The following EYS variants were observed in gnomAD, a reference collection of about 807,000 sequenced individuals.
EYS encodes the protein protein eyes shut homolog.
EYS carries 250 observed loss-of-function variants against 282.1 expected under a neutral mutation model. That is an observed-to-expected ratio of 0.89 (90% confidence interval 0.80 to 0.98). EYS has a LOEUF of 0.98. Among genes scored for constraint, EYS ranks in the 50% least tolerant of loss-of-function variants. The probability of loss-of-function intolerance (pLI) is 0.00; values close to 1 mark genes in which losing one functional copy is unlikely to be tolerated. For missense variants in EYS, 4,016 were observed against 3,709.0 expected, an observed-to-expected ratio of 1.08 and a Z score of -2.15; for synonymous variants, 1,355 against 1,282.9, an observed-to-expected ratio of 1.06 and a Z score of -1.20.
chr6:65,100,223 G>C (rs374669536), intron 12 of EYS, among the ~76,000 whole-genome samples: 34 of 150,818 alleles, frequency 2.3e-4, no homozygotes, highest in African/African-American at 7.7e-4. Context: ...CATTAAAAAT[G>C]TTAGGATTTC....
At chr6:65,059,962 C>T (rs1773521455) in intron 12 of EYS, among the ~76,000 whole-genome samples, 1 of 152,048 alleles carries the variant, frequency 6.6e-6, no homozygotes, top group African/African-American at 2.4e-5. Context: ...ATCAATCACC[C>T]TGTCCCTCTC....
chr6:64,278,284 T>C (rs1023879487), intron 30 of EYS, among the ~76,000 whole-genome samples: 2 of 152,196 alleles, frequency 1.3e-5, no homozygotes, highest in Non-Finnish European at 2.9e-5. Flanking sequence ...TTGCAGCATC[T>C]TTATTATCTT....
intron 22 of EYS, among the ~76,000 whole-genome samples, chr6:64,736,154 T>G (rs1256934598): frequency 1.3e-5 from 2 of 152,104 alleles, no homozygotes; most frequent in African/African-American, 4.8e-5. Context: ...ATATAACAAT[T>G]TAAATTTTAA....
intron 31 of EYS, among the ~76,000 whole-genome samples, chr6:64,158,409 C>A (rs79762183): frequency 0.023 from 3,459 of 152,068 alleles, 125 homozygotes; most frequent in African/African-American, 0.079. Context: ...GAAAAAAAAC[C>A]TACAAAGAAA....
intron 8 of EYS, among the ~76,000 whole-genome samples, chr6:65,378,020 T>C (rs1054622291): frequency 1.3e-5 from 2 of 151,740 alleles, no homozygotes; most frequent in African/African-American, 2.4e-5. Context: ...TTCTAAACAA[T>C]AGATAGACAA....
intron 30 of EYS, among the ~76,000 whole-genome samples, chr6:64,242,284 A>G (rs916850095): frequency 6.6e-6 from 1 of 152,098 alleles, no homozygotes; most frequent in African/African-American, 2.4e-5. Context: ...TCACACTATT[A>G]TTGTGATCAT....
intron 22 of EYS, among the ~76,000 whole-genome samples, chr6:64,777,308 TC>T (rs2149990733): frequency 6.6e-6 from 1 of 152,268 alleles, no homozygotes; most frequent in East Asian, 1.9e-4. Flanking sequence ...TAGGTATTAT[TC>T]TTTATACCTT....
chr6:65,559,077 T>C (rs1768929776), intron 2 of EYS, among the ~76,000 whole-genome samples: 1 of 151,960 alleles, frequency 6.6e-6, no homozygotes, highest in African/African-American at 2.4e-5. Flanking sequence ...GGAAAATAAA[T>C]AAAAGCAGGC....
chr6:65,455,929 C>T (rs920711987), intron 5 of EYS, among the ~76,000 whole-genome samples: 1 of 142,814 alleles, frequency 7.0e-6, no homozygotes, highest in Non-Finnish European at 1.5e-5. Flanking sequence ...GATTTTAATA[C>T]CGGACAAGGA....
At chr6:63,996,443 C>A (rs1214249224) in intron 34 of EYS, among the ~76,000 whole-genome samples, 1 of 151,810 alleles carries the variant, frequency 6.6e-6, no homozygotes, top group East Asian at 1.9e-4. Flanking sequence ...ATTAACTGTA[C>A]ACATAAAATT....
chr6:65,574,158 T>C (rs1256381397), intron 2 of EYS, among the ~76,000 whole-genome samples: 1 of 152,278 alleles, frequency 6.6e-6, no homozygotes, highest in Non-Finnish European at 1.5e-5. Flanking sequence ...TTGTGACTGT[T>C]CCATGTGTGC....
At chr6:64,594,610 A>G (rs1766519231) in intron 24 of EYS, among the ~76,000 whole-genome samples, 1 of 147,464 alleles carries the variant, frequency 6.8e-6, no homozygotes, top group Non-Finnish European at 1.5e-5. Flanking sequence ...CAAACACTGC[A>G]TGTTCTTACT....
intron 13 of EYS, among the ~76,000 whole-genome samples, chr6:65,018,012 T>C (rs1772109548): frequency 1.3e-5 from 2 of 152,294 alleles, no homozygotes; most frequent in East Asian, 3.9e-4. Flanking sequence ...GTTTGTCTAA[T>C]GACAGGTGAA....
chr6:63,783,116 A>T (rs1433029456), intron 39 of EYS, among the ~76,000 whole-genome samples: 1 of 152,164 alleles, frequency 6.6e-6, no homozygotes, highest in Non-Finnish European at 1.5e-5. Context: ...CTATTTTTAG[A>T]TGAGAATAAC....
chr6:65,608,471 CTGTACACTTTATAAACAG>C (rs573678897), intron 2 of EYS, among the ~76,000 whole-genome samples: 555 of 152,094 alleles, frequency 3.6e-3, no homozygotes, highest in Non-Finnish European at 4.0e-3. Flanking sequence ...TTCACAAACA[CTGTACACTTTATAAACAG>C]TGTACACTTT....
intron 12 of EYS, among the ~76,000 whole-genome samples, chr6:65,268,747 C>G (rs1383884500): frequency 6.6e-6 from 1 of 151,684 alleles, no homozygotes; most frequent in Non-Finnish European, 1.5e-5. Context: ...AGAAAAACTG[C>G]TAGAACTAAA....
chr6:64,729,873 G>A (rs2149951249), intron 22 of EYS, among the ~76,000 whole-genome samples: 1 of 152,290 alleles, frequency 6.6e-6, no homozygotes, highest in East Asian at 1.9e-4. Flanking sequence ...GAAACTATTG[G>A]TTTAACTGGT....
chr6:64,858,374 C>T (rs72648376), intron 19 of EYS, among the ~76,000 whole-genome samples: 6,211 of 151,770 alleles, frequency 0.041, 278 homozygotes, highest in East Asian at 0.25. Flanking sequence ...ATTGTGTAGT[C>T]TTGGCACCTG....
At chr6:64,720,442 TA>T (rs1460584150) in intron 22 of EYS, among the ~76,000 whole-genome samples, 2 of 152,182 alleles carry the variant, frequency 1.3e-5, no homozygotes, top group Non-Finnish European at 2.9e-5. Flanking sequence ...TTCTTGGTAT[TA>T]GGATTTAGAC....
Sources: gnomAD v4.1 joint callset for allele counts (sites outside exome capture counted in the v4.1 genomes callset) on GRCh38, gnomAD v4.1.1 for gene constraint, MANE v1.5 for transcripts, NCBI Gene and HGNC (gene_info 2026-07-23, HGNC 2026-07-21) for gene names.